Variants in PHF24 observed in about 807,000 individuals in gnomAD.
PHF24 encodes PHD finger protein 24.
A neutral mutation model predicts 42.6 loss-of-function variants in PHF24; 25 were observed. The observed-to-expected ratio is 0.59, with a 90% confidence interval of 0.43 to 0.82. PHF24 has a LOEUF of 0.82. Ranked by LOEUF, PHF24 falls within the 40% of genes least tolerant of loss-of-function variation. PHF24 has a pLI of 0.00. For missense variants in PHF24, 470 were observed against 538.1 expected (o/e 0.87, Z 1.25); for synonymous variants, 185 against 204.8 (o/e 0.90, Z 0.83).
chr9:34,853,131 G>A, the PHF24 span, among the ~76,000 whole-genome samples: 1 of 152,178 alleles, frequency 6.6e-6, no homozygotes, highest in Admixed American at 6.5e-5. Context: ...TTTGAGGTAT[G>A]TTCCTTCAGT....
At chr9:34,844,837 A>G in the PHF24 span, among the ~76,000 whole-genome samples, 68 of 152,304 alleles carry the variant, frequency 4.5e-4, no homozygotes, top group Middle Eastern at 3.4e-3. Context: ...TGTTAGGTCC[A>G]TTTGGTCCAA....
chr9:34,936,350 C>CG, the PHF24 span, among the ~76,000 whole-genome samples: 1 of 152,234 alleles, frequency 6.6e-6, no homozygotes, highest in Admixed American at 6.5e-5. Flanking sequence ...GGATTGCAGA[C>CG]GGAGTCTCGT....
chr9:34,938,827 C>G, the PHF24 span, among the ~76,000 whole-genome samples: 3 of 151,030 alleles, frequency 2.0e-5, no homozygotes, highest in East Asian at 5.9e-4. Context: ...GTCCCAGCTA[C>G]CTGGGAGGCT....
chr9:34,724,298 G>T, the PHF24 span: 1 of 1,551,488 alleles, frequency 6.4e-7, no homozygotes. Flanking sequence ...TACAGCTTTG[G>T]AATTGGATTG....
At chr9:34,883,611 A>G in the PHF24 span, among the ~76,000 whole-genome samples, 1 of 152,270 alleles carries the variant, frequency 6.6e-6, no homozygotes, top group Non-Finnish European at 1.5e-5. Context: ...GACACATGAA[A>G]AAATGCTCAT....
At chr9:34,888,195 G>A in the PHF24 span, among the ~76,000 whole-genome samples, 146,998 of 152,206 alleles carry the variant, frequency 0.97, 71,050 homozygotes, top group Non-Finnish European at 0.99. Context: ...GAAACTTTCC[G>A]TGAACATTCC....
chr9:34,665,773 C>T, the PHF24 span: 1 of 661,034 alleles, frequency 1.5e-6, no homozygotes, highest in Admixed American at 2.3e-5. Context: ...CTCAGGTAAT[C>T]TGAGGCTGAT....
chr9:34,877,652 A>G, the PHF24 span, among the ~76,000 whole-genome samples: 1 of 152,168 alleles, frequency 6.6e-6, no homozygotes, highest in African/African-American at 2.4e-5. Flanking sequence ...TATTTTTACC[A>G]TAATTTTTTT....
the PHF24 span, among the ~76,000 whole-genome samples, chr9:34,798,774 G>T: frequency 6.6e-6 from 1 of 151,892 alleles, no homozygotes; most frequent in Admixed American, 6.6e-5. Flanking sequence ...ATTTTTAGTT[G>T]AGAACTCTCT....
At chr9:34,884,974 C>T in the PHF24 span, among the ~76,000 whole-genome samples, 1 of 152,206 alleles carries the variant, frequency 6.6e-6, no homozygotes, top group Non-Finnish European at 1.5e-5. Flanking sequence ...GGACCTGCTC[C>T]ACCCACCCTA....
At chr9:34,964,942 T>C (rs920474729) in intron 1 of PHF24, among the ~76,000 whole-genome samples, 2 of 152,164 alleles carry the variant, frequency 1.3e-5, no homozygotes, top group African/African-American at 4.8e-5. Flanking sequence ...TTTGGCCTCT[T>C]TTCGTCATTT....
At chr9:34,972,756 A>G (rs1368939586) in intron 3 of PHF24, among the ~76,000 whole-genome samples, 1 of 152,094 alleles carries the variant, frequency 6.6e-6, no homozygotes, top group Non-Finnish European at 1.5e-5. Flanking sequence ...TCTACTAAAA[A>G]TACAAAAATT....
the PHF24 span, among the ~76,000 whole-genome samples, chr9:34,903,131 A>C: frequency 6.6e-6 from 1 of 152,226 alleles, no homozygotes; most frequent in Admixed American, 6.5e-5. Context: ...AGCCCATCAC[A>C]GCAACTTAGA....
chr9:34,821,018 C>A, the PHF24 span, among the ~76,000 whole-genome samples: 1 of 152,164 alleles, frequency 6.6e-6, no homozygotes, highest in Middle Eastern at 3.4e-3. Context: ...GTTTGTTGGA[C>A]ACTCGTATGT....
chr9:34,882,199 G>A, the PHF24 span, among the ~76,000 whole-genome samples: 1 of 152,162 alleles, frequency 6.6e-6, no homozygotes, highest in East Asian at 1.9e-4. Context: ...ATTAGGTATT[G>A]ATGGGACGTA....
chr9:34,937,466 TCA>T, the PHF24 span, among the ~76,000 whole-genome samples: 1 of 151,468 alleles, frequency 6.6e-6, no homozygotes, highest in Admixed American at 6.6e-5. Context: ...TCGTTAAGAG[TCA>T]TCACCATTCC....
At chr9:34,741,545 A>G in the PHF24 span, among the ~76,000 whole-genome samples, 1 of 151,910 alleles carries the variant, frequency 6.6e-6, no homozygotes, top group Non-Finnish European at 1.5e-5. Flanking sequence ...TACTTTTAGT[A>G]GACACGGGGT....
chr9:34,788,776 C>T, the PHF24 span, among the ~76,000 whole-genome samples: 4 of 152,184 alleles, frequency 2.6e-5, no homozygotes, highest in African/African-American at 9.6e-5. Flanking sequence ...CAGAGACCAC[C>T]CCAAACATGC....
chr9:34,666,191 A>G, the PHF24 span: 4 of 167,566 alleles, frequency 2.4e-5, no homozygotes, highest in Non-Finnish European at 5.3e-5. Flanking sequence ...TCGGTTGATT[A>G]AGATGCGGGC....
Sources: allele counts gnomAD v4.1 joint callset (sites outside exome capture counted in the v4.1 genomes callset), GRCh38; gene constraint gnomAD v4.1.1; transcripts MANE v1.5; gene names NCBI Gene and HGNC (gene_info 2026-07-23, HGNC 2026-07-21).